GUCY1A2: variants seen among roughly 807,000 people sequenced by gnomAD.
GUCY1A2 encodes guanylate cyclase soluble subunit alpha-2.
In GUCY1A2, 27 loss-of-function variants were observed where a neutral mutation model predicts 63.5. The ratio of observed to expected loss-of-function variants is 0.43; its 90% confidence interval spans 0.31 to 0.59. The LOEUF is 0.59. Among genes scored for constraint, GUCY1A2 ranks in the 20% least tolerant of loss-of-function variants. The pLI is 0.11. For missense variants in GUCY1A2, 768 were observed against 913.3 expected (o/e 0.84, Z 2.05); for synonymous variants, 364 against 343.5 (o/e 1.06, Z -0.66).
chr11:106,887,640 G>T (rs1859917207), intron 4 of GUCY1A2, among the ~76,000 whole-genome samples: 1 of 152,164 alleles, frequency 6.6e-6, no homozygotes, highest in African/African-American at 2.4e-5. Flanking sequence ...ACACTATTGA[G>T]TCCCTTATTC....
At position 106,954,293 on chromosome 11, in the gene GUCY1A2, TG is replaced by T. The variant is rs544549232; in HGVS notation, c.488-14116del. The stretch of plus-strand genomic sequence containing the variant: ...ACCCGGGAGTCATTCAGGAACAAGT[TG>T]TTCAATTTCCATGAAATTGTGTCGT... On this transcript the variant is annotated intron_variant, in intron 3 of 7. Coordinates refer to ENST00000526355, the MANE Select transcript of GUCY1A2 (RefSeq NM_000855.3). Among the ~76,000 whole-genome samples the T allele has an allele frequency of 3.0e-4, 45 of 152,326 alleles. 1 individual carries two copies. The highest frequency in any genetic ancestry group is 2.1e-3 in the South Asian group (10 of 4,828).
At chr11:107,012,401 T>A (rs1861759943) in intron 1 of GUCY1A2, among the ~76,000 whole-genome samples, 1 of 152,060 alleles carries the variant, frequency 6.6e-6, no homozygotes, top group African/African-American at 2.4e-5. Context: ...CAGTTAAAAT[T>A]AATAGATCTC....
chr11:106,856,707 G>A (rs1859441296), intron 4 of GUCY1A2, among the ~76,000 whole-genome samples: 1 of 152,108 alleles, frequency 6.6e-6, no homozygotes, highest in South Asian at 2.1e-4. Context: ...TGTCCCTGGG[G>A]TAAGTATTAC....
chr11:106,938,253 G>A lies in GUCY1A2; in HGVS notation c.1206+1207C>T, dbSNP rs181136940. On this transcript the variant is annotated intron_variant, in intron 4 of 7. Transcript: ENST00000526355. ...GCCACCACACCCAGCCATCTTTCTC[G>A]AATATTTTTTTTAAAAAACTTTCCA... Among the ~76,000 whole-genome samples the A allele has an allele frequency of 1.3e-4, 20 of 152,020 alleles. No homozygotes were observed. In the East Asian group the frequency reaches 2.9e-3, roughly 22 times the overall value.
intron 4 of GUCY1A2, among the ~76,000 whole-genome samples, chr11:106,915,660 T>C (rs1225890351): frequency 6.9e-6 from 1 of 145,306 alleles, no homozygotes; most frequent in African/African-American, 2.4e-5. Flanking sequence ...CTGAAGCATT[T>C]CTAAGTTACT....
chr11:106,994,236 C>A (rs1861507046), intron 1 of GUCY1A2, among the ~76,000 whole-genome samples: 1 of 152,182 alleles, frequency 6.6e-6, no homozygotes, highest in Non-Finnish European at 1.5e-5. Context: ...ATTGATTATA[C>A]TTAACATATA....
At chr11:106,816,399 AC>A (rs1858832695) in intron 4 of GUCY1A2, among the ~76,000 whole-genome samples, 2 of 151,982 alleles carry the variant, frequency 1.3e-5, no homozygotes, top group South Asian at 4.1e-4. Context: ...GGAATTGTTA[AC>A]AGAAATTAAA....
At chr11:106,895,110 A>G (rs1432751812) in intron 4 of GUCY1A2, among the ~76,000 whole-genome samples, 1 of 150,576 alleles carries the variant, frequency 6.6e-6, no homozygotes, top group East Asian at 2.2e-4. Context: ...AATAACAAAG[A>G]AATACTCTAT....
chr11:106,884,591 GT>G (rs1474144171), intron 4 of GUCY1A2, among the ~76,000 whole-genome samples: 1 of 151,946 alleles, frequency 6.6e-6, no homozygotes, highest in Non-Finnish European at 1.5e-5. Context: ...AGGAAAAGGG[GT>G]TAGAAAGAGA....
intron 6 of GUCY1A2, among the ~76,000 whole-genome samples, chr11:106,730,261 C>T (rs1316783865): frequency 1.3e-5 from 2 of 151,424 alleles, no homozygotes; most frequent in East Asian, 1.9e-4. Context: ...TTTTGATCCT[C>T]ACTCTCCTCC....
chr11:106,861,471 G>A (rs1179830036), intron 4 of GUCY1A2, among the ~76,000 whole-genome samples: 3 of 151,800 alleles, frequency 2.0e-5, no homozygotes, highest in Admixed American at 2.0e-4. Context: ...CCATTTGTCA[G>A]CCATGTTCCC....
In GUCY1A2 at chr11:106,986,710, T is replaced by C. The variant is rs2513139; in HGVS notation, c.304-579A>G. The stretch of plus-strand genomic sequence containing the variant: ...AGACTAACAAAAAGGCAGAGTAGGA[T>C]GGGAAGCAGGTGATCCAGGGCCCCA... On this transcript the variant is annotated intron_variant, in intron 1 of 7. Transcript: ENST00000526355. Among the ~76,000 whole-genome samples the C allele has an allele frequency of 2.0e-5, 3 of 152,214 alleles. No homozygotes were observed. The East Asian group carries it at 5.8e-4, about 29-fold the overall frequency.
chr11:106,780,573 G>A (rs911133729), intron 5 of GUCY1A2, among the ~76,000 whole-genome samples: 7 of 152,126 alleles, frequency 4.6e-5, no homozygotes. Flanking sequence ...TGACCCAATT[G>A]TACAGGAGCT....
At chr11:106,994,034 A>T (rs1171929748) in intron 1 of GUCY1A2, among the ~76,000 whole-genome samples, 1 of 152,100 alleles carries the variant, frequency 6.6e-6, no homozygotes, top group Non-Finnish European at 1.5e-5. Context: ...CATCTGGGCC[A>T]TTTTTTCCAG....
At chr11:106,764,085 A>T (rs561288205) in intron 6 of GUCY1A2, among the ~76,000 whole-genome samples, 1 of 152,000 alleles carries the variant, frequency 6.6e-6, no homozygotes, top group South Asian at 2.1e-4. Context: ...TCCCAACTTA[A>T]TTTTTTCTTC....
At chr11:106,795,103 T>C (rs1864730702) in intron 5 of GUCY1A2, among the ~76,000 whole-genome samples, 2 of 152,212 alleles carry the variant, frequency 1.3e-5, no homozygotes, top group South Asian at 4.1e-4. Flanking sequence ...CCTATAATAC[T>C]GCTCCCATTT....
At chr11:106,787,225 G>A (rs1277180124) in intron 5 of GUCY1A2, among the ~76,000 whole-genome samples, 6 of 151,268 alleles carry the variant, frequency 4.0e-5, no homozygotes, top group Non-Finnish European at 5.9e-5. Flanking sequence ...TCATCCTGTT[G>A]TGCCAGCAAA....
At chr11:106,870,110 G>C (rs142157502) in intron 4 of GUCY1A2, among the ~76,000 whole-genome samples, 6 of 131,814 alleles carry the variant, frequency 4.6e-5, no homozygotes, top group Admixed American at 1.5e-4. Flanking sequence ...TCTTGTGAGG[G>C]GGGGGGAGGG....
intron 4 of GUCY1A2, chr11:106,827,195 C>T: frequency 6.6e-7 from 1 of 1,511,604 alleles, no homozygotes; most frequent in Non-Finnish European, 9.2e-7. Flanking sequence ...GGTCCCAACG[C>T]ACTGCCTACA....
Sources: allele counts gnomAD v4.1 joint callset (sites outside exome capture counted in the v4.1 genomes callset), GRCh38; gene constraint gnomAD v4.1.1; transcripts MANE v1.5; gene names NCBI Gene and HGNC (gene_info 2026-07-23, HGNC 2026-07-21).